The following USH2A variants were observed in gnomAD, a reference collection of about 807,000 sequenced individuals.
USH2A encodes usherin, also known as Usher syndrome 2A (autosomal recessive, mild).
A neutral mutation model predicts 538.9 loss-of-function variants in USH2A; 443 were observed. The observed-to-expected ratio is 0.82, with a 90% CI of 0.76 to 0.89. The LOEUF (loss-of-function observed/expected upper bound fraction) is 0.89, where lower values mean the gene tolerates loss of function less well. Ranked by LOEUF, USH2A falls within the 40% of genes least tolerant of loss-of-function variation. USH2A has a pLI of 0.00. For missense variants in USH2A, 6,633 were observed against 6,324.8 expected (o/e 1.05, Z -1.65); for synonymous variants, 2,413 against 2,273.5 (o/e 1.06, Z -1.75).
Position 216,415,435 on chromosome 1 carries a change from T to C in USH2A, c.651+3079A>G, listed in dbSNP as rs6672692. Among the ~76,000 whole-genome samples the C allele has an allele frequency of 5.0e-3, 757 of 151,906 alleles. 4 individuals are homozygous for C. The highest frequency in any genetic ancestry group is 0.018 in the African/African-American group (730 of 41,422). ...ACTATCATATGGATTCCTATAAATT[T>C]TATTCTTAAGACTACAGAGTAGCAT... On this transcript the variant is annotated intron_variant, in intron 3 of 71. Transcript: ENST00000307340.
intron 69 of USH2A, 37 bp from the exon 70 acceptor site, chr1:215,634,740 T>A (rs1656422436): frequency 1.2e-6 from 2 of 1,614,040 alleles, no homozygotes; most frequent in Non-Finnish European, 1.7e-6. Context: ...AAATGTTATT[T>A]CAGAAAGCAT....
At chr1:215,891,088 T>C (rs1665198788) in intron 40 of USH2A, among the ~76,000 whole-genome samples, 1 of 152,194 alleles carries the variant, frequency 6.6e-6, no homozygotes, top group African/African-American at 2.4e-5. Flanking sequence ...AAGGCTTTTA[T>C]TTCTCCTGCA....
At chr1:215,801,314 G>C (rs1049131995) in intron 49 of USH2A, among the ~76,000 whole-genome samples, 1 of 150,690 alleles carries the variant, frequency 6.6e-6, no homozygotes, top group Admixed American at 6.6e-5. Flanking sequence ...AAAAATAAAA[G>C]GCATCTAAAT....
chr1:215,743,551 G>A (rs536066855), intron 58 of USH2A, among the ~76,000 whole-genome samples: 3 of 150,852 alleles, frequency 2.0e-5, no homozygotes, highest in Non-Finnish European at 3.0e-5. Flanking sequence ...AATTGAGGCC[G>A]GGCGTGGTGG....
At chr1:216,147,247 A>G (rs976984092) in intron 21 of USH2A, among the ~76,000 whole-genome samples, 4 of 151,872 alleles carry the variant, frequency 2.6e-5, no homozygotes, top group African/African-American at 9.7e-5. Flanking sequence ...AGGCCGAGCT[A>G]GGTCCCAATT....
intron 13 of USH2A, among the ~76,000 whole-genome samples, chr1:216,244,123 T>C (rs945013563): frequency 1.3e-5 from 2 of 152,168 alleles, no homozygotes; most frequent in African/African-American, 4.8e-5. Context: ...GTATGTTGAG[T>C]AGTAAAACTA....
intron 61 of USH2A, among the ~76,000 whole-genome samples, chr1:215,683,067 T>G (rs1571955358): frequency 2.6e-5 from 4 of 152,110 alleles, no homozygotes; most frequent in African/African-American, 9.6e-5. Flanking sequence ...TTCCTTTTTT[T>G]GTAGGGATTG....
At chr1:215,789,723 C>G (rs1341261498) in intron 51 of USH2A, among the ~76,000 whole-genome samples, 1 of 152,102 alleles carries the variant, frequency 6.6e-6, no homozygotes, top group African/African-American at 2.4e-5. Context: ...CCTCCTGCCT[C>G]CATCCACAGT....
At chr1:216,084,485 G>T (rs369776288) in intron 25 of USH2A, among the ~76,000 whole-genome samples, 62 of 152,220 alleles carry the variant, frequency 4.1e-4, no homozygotes, top group African/African-American at 1.5e-3. Flanking sequence ...AGTTACCAGA[G>T]ATATCATACA....
At chr1:216,286,696 C>T (rs138974945) in intron 11 of USH2A, among the ~76,000 whole-genome samples, 1 of 151,976 alleles carries the variant, frequency 6.6e-6, no homozygotes, top group Non-Finnish European at 1.5e-5. Flanking sequence ...TGCACTCCAG[C>T]CTGGGTGACA....
intron 4 of USH2A, among the ~76,000 whole-genome samples, chr1:216,346,609 C>A (rs936717508): frequency 1.3e-5 from 2 of 151,824 alleles, no homozygotes; most frequent in Non-Finnish European, 2.9e-5. Context: ...TATGGAAATG[C>A]CCCCACTCCC....
At chr1:216,262,874 T>A (rs1254020361) in intron 11 of USH2A, among the ~76,000 whole-genome samples, 1 of 151,742 alleles carries the variant, frequency 6.6e-6, no homozygotes, top group Non-Finnish European at 1.5e-5. Context: ...AAAGATAATA[T>A]TGACAAACCA....
At chr1:216,102,999 A>T (rs1429216264) in intron 21 of USH2A, among the ~76,000 whole-genome samples, 1 of 152,238 alleles carries the variant, frequency 6.6e-6, no homozygotes, top group Non-Finnish European at 1.5e-5. Context: ...AACAACAGAT[A>T]TAGCAATGAG....
intron 11 of USH2A, among the ~76,000 whole-genome samples, chr1:216,274,365 G>A (rs2036629339): frequency 1.3e-5 from 2 of 151,950 alleles, no homozygotes; most frequent in Admixed American, 6.6e-5. Context: ...CAACACTGCC[G>A]GTGCTTACAC....
intron 61 of USH2A, among the ~76,000 whole-genome samples, chr1:215,692,175 G>A (rs1658637373): frequency 1.3e-5 from 2 of 152,142 alleles, no homozygotes; most frequent in African/African-American, 2.4e-5. Flanking sequence ...GTCTTGATAT[G>A]AGCCTTTTAA....
At chr1:216,092,015 G>T (rs1480108011) in intron 22 of USH2A, among the ~76,000 whole-genome samples, 3 of 151,916 alleles carry the variant, frequency 2.0e-5, no homozygotes, top group African/African-American at 7.3e-5. Flanking sequence ...AAAACAGCAA[G>T]ACTTTTTCTC....
At chr1:215,673,707 C>T (rs1415853799) in intron 63 of USH2A, among the ~76,000 whole-genome samples, 1 of 152,170 alleles carries the variant, frequency 6.6e-6, no homozygotes, top group African/African-American at 2.4e-5. Context: ...CATTGATTGG[C>T]ACTTTTTAAC....
chr1:215,988,200 C>A lies in USH2A; in HGVS notation c.6805+4820G>T, dbSNP rs680024. Among the ~76,000 whole-genome samples the A allele has an allele frequency of 2.6e-5, 4 of 151,748 alleles. No individual in the cohort carries two copies. In the East Asian group the frequency reaches 5.9e-4, roughly 22 times the overall value. The stretch of plus-strand genomic sequence containing the variant: ...CAACTCTCCATTTCCCCCTTCCACC[C>A]AGACCTTGGTAACCGTAATTCTAAT... On this transcript the variant is annotated intron_variant, in intron 35 of 71. Coordinates refer to ENST00000307340, the MANE Select transcript of USH2A (RefSeq NM_206933.4).
chr1:215,775,335 A>G (rs1661431508), intron 55 of USH2A, among the ~76,000 whole-genome samples: 1 of 152,218 alleles, frequency 6.6e-6, no homozygotes, highest in South Asian at 2.1e-4. Flanking sequence ...ACTGGACCCC[A>G]CAATTTTGTT....
Sources: allele counts gnomAD v4.1 joint callset (sites outside exome capture counted in the v4.1 genomes callset), GRCh38; gene constraint gnomAD v4.1.1; transcripts MANE v1.5; gene names NCBI Gene and HGNC (gene_info 2026-07-23, HGNC 2026-07-21).